Variants in RAB5A observed in about 807,000 individuals in gnomAD.
RAB5A encodes RAB5A, member RAS oncogene family, also known as ras-related protein Rab-5A.
RAB5A carries 8 observed loss-of-function variants against 25.7 expected under a neutral mutation model. That is an observed-to-expected ratio of 0.31 (90% CI 0.18 to 0.56). The LOEUF is 0.56. Ranked by LOEUF, RAB5A falls within the 20% of genes least tolerant of loss-of-function variation. The pLI is 0.91. For synonymous variants in RAB5A, 98 were observed against 89.8 expected (o/e 1.09, Z -0.52); for missense variants, 192 against 259.7 (o/e 0.74, Z 1.79).
chr3:19,982,562 C>G (rs1442580894), intron 5 of RAB5A, among the ~76,000 whole-genome samples: 3 of 152,054 alleles, frequency 2.0e-5, no homozygotes, highest in African/African-American at 7.2e-5. Context: ...CTTTTAAAAA[C>G]TAAGCGGTCG....
intron 2 of RAB5A, among the ~76,000 whole-genome samples, chr3:19,958,821 C>T (rs1031609979): frequency 3.3e-5 from 5 of 151,650 alleles, no homozygotes; most frequent in Admixed American, 2.6e-4. Flanking sequence ...GGTGACAGGG[C>T]GCTGAGGTAG....
intron 2 of RAB5A, among the ~76,000 whole-genome samples, chr3:19,954,637 G>A (rs1696472460): frequency 1.3e-5 from 2 of 152,188 alleles, no homozygotes; most frequent in South Asian, 2.1e-4. Context: ...GGCCAACATA[G>A]CAAAACCCCG....
At chr3:19,973,919 A>C (rs1360808987) in intron 2 of RAB5A, among the ~76,000 whole-genome samples, 2 of 152,196 alleles carry the variant, frequency 1.3e-5, no homozygotes, top group African/African-American at 2.4e-5. Context: ...TCACTAGATA[A>C]ACGGCTGTAA....
chr3:19,977,796 A>G (rs994267264), intron 4 of RAB5A, among the ~76,000 whole-genome samples: 6 of 152,232 alleles, frequency 3.9e-5, no homozygotes, highest in Admixed American at 3.9e-4. Flanking sequence ...AAGCATGACA[A>G]AAATGTAGGG....
chr3:19,977,010 T>A (rs1196333895), intron 4 of RAB5A, among the ~76,000 whole-genome samples: 1 of 152,138 alleles, frequency 6.6e-6, no homozygotes, highest in African/African-American at 2.4e-5. Context: ...TAATTCAGAA[T>A]GTTTGCTGCT....
In RAB5A at chr3:19,985,105, G is replaced by A. The variant is rs1697007756; in HGVS notation, c.*1282G>A. ...GTACATTTATGATAATGCAGAATTA[G>A]GAAAACGGTTCACCAGTGTTTAGTT... On this transcript the variant is annotated 3_prime_UTR_variant, in exon 6 of 6. Transcript: ENST00000273047. 2 of 328,270 alleles carry A rather than the reference G, an allele frequency of 6.1e-6. No individual in the cohort carries two copies. Among genetic ancestry groups the A allele is most frequent in the South Asian group, 1.2e-4 (2 of 16,996 alleles). 20.3% of individuals were successfully genotyped at this position (328,270 alleles called of 1,614,324 possible).
chr3:19,969,619 T>C (rs1384025523), intron 2 of RAB5A, among the ~76,000 whole-genome samples: 2 of 152,238 alleles, frequency 1.3e-5, no homozygotes, highest in Non-Finnish European at 2.9e-5. Flanking sequence ...AGTTTCATAT[T>C]TTTGTGTAAT....
In RAB5A at chr3:19,985,081, T is replaced by A. The variant is rs921316778; in HGVS notation, c.*1258T>A. ...AGTGTTGGACTGCTAGGAGAACTTGTACATTTATGATAATGCAGAATTAGG... is the reference window on the plus strand; with the variant it reads ...AGTGTTGGACTGCTAGGAGAACTTGAACATTTATGATAATGCAGAATTAGG... On this transcript the variant is annotated 3_prime_UTR_variant, in exon 6 of 6. Transcript: ENST00000273047. The A allele has an allele frequency of 2.1e-5, 6 of 280,362 alleles. No homozygotes were observed. The highest frequency in any genetic ancestry group is 1.4e-4 in the Admixed American group (3 of 20,704). The allele number at this position is 280,362 out of a possible 1,614,324, so 17.4% of individuals were successfully genotyped here. A position where few individuals can be genotyped will look rare whatever the true frequency, so the allele number is the denominator to read the frequency against.
chr3:19,972,577 A>G (rs888440555), intron 2 of RAB5A, among the ~76,000 whole-genome samples: 18 of 152,244 alleles, frequency 1.2e-4, no homozygotes, highest in Admixed American at 9.8e-4. Flanking sequence ...TTGTTCCTAG[A>G]TTTAGGAATG....
intron 2 of RAB5A, among the ~76,000 whole-genome samples, chr3:19,958,252 A>T (rs1157822703): frequency 6.6e-6 from 1 of 152,212 alleles, no homozygotes; most frequent in Admixed American, 6.5e-5. Context: ...CAAAATAATA[A>T]TATCTTTGTT....
chr3:19,953,563 A>G (rs939631437), intron 2 of RAB5A, among the ~76,000 whole-genome samples: 1 of 151,414 alleles, frequency 6.6e-6, no homozygotes, highest in African/African-American at 2.4e-5. Flanking sequence ...GCAAGCCACC[A>G]CTCCTGGCCA....
intron 2 of RAB5A, among the ~76,000 whole-genome samples, chr3:19,951,404 A>G (rs1228984833): frequency 6.6e-6 from 1 of 152,196 alleles, no homozygotes; most frequent in African/African-American, 2.4e-5. Context: ...TTTGTGCTCA[A>G]TTATATTGGT....
intron 2 of RAB5A, among the ~76,000 whole-genome samples, chr3:19,973,940 TATATC>T (rs746731068): frequency 3.9e-5 from 6 of 152,282 alleles, no homozygotes; most frequent in East Asian, 1.9e-4. Flanking sequence ...TTTAGAGAAA[TATATC>T]ATAATTCTTT....
At chr3:19,968,867 T>A (rs1239596601) in intron 2 of RAB5A, among the ~76,000 whole-genome samples, 3 of 152,202 alleles carry the variant, frequency 2.0e-5, no homozygotes, top group African/African-American at 7.2e-5. Flanking sequence ...CTACCTACTC[T>A]CCTGCCCTCA....
At chr3:19,957,807 A>G (rs1696526342) in intron 2 of RAB5A, among the ~76,000 whole-genome samples, 1 of 152,146 alleles carries the variant, frequency 6.6e-6, no homozygotes, top group Non-Finnish European at 1.5e-5. Flanking sequence ...CAATGTGTAC[A>G]TGTATCAAAA....
At chr3:19,973,105 G>A (rs1417197043) in intron 2 of RAB5A, among the ~76,000 whole-genome samples, 1 of 152,296 alleles carries the variant, frequency 6.6e-6, no homozygotes, top group African/African-American at 2.4e-5. Flanking sequence ...GTATACAGGA[G>A]GATGTGCTTA....
At chr3:19,969,198 C>G (rs1696709448) in intron 2 of RAB5A, among the ~76,000 whole-genome samples, 1 of 151,958 alleles carries the variant, frequency 6.6e-6, no homozygotes, top group South Asian at 2.1e-4. Context: ...GCGCCCACAT[C>G]CACGTCCGGC....
chr3:19,954,662 AC>A (rs1696473048), intron 2 of RAB5A, among the ~76,000 whole-genome samples: 1 of 152,110 alleles, frequency 6.6e-6, no homozygotes, highest in Non-Finnish European at 1.5e-5. Flanking sequence ...TACAAAAAAT[AC>A]GAAAATTAAC....
At position 19,947,171 on chromosome 3, in the gene RAB5A, GTGTT is replaced by G. The variant is rs1443883634; in HGVS notation, c.-440_-437del. ...AAGTGGCTCCGGCGGTGGGACTTGA[GTGTT>G]TGTGTTTTGGTTCGTGAAGGAGCCG... On this transcript the variant is annotated 5_prime_UTR_variant, in exon 1 of 6. Transcript: ENST00000273047. The G allele has an allele frequency of 1.9e-5, 3 of 159,142 alleles. No homozygotes were observed. The highest frequency in any genetic ancestry group is 2.7e-5 in the Non-Finnish European group (2 of 72,870). 9.9% of individuals were successfully genotyped at this position (159,142 alleles called of 1,614,324 possible).
Sources: allele counts gnomAD v4.1 joint callset (sites outside exome capture counted in the v4.1 genomes callset), GRCh38; gene constraint gnomAD v4.1.1; transcripts MANE v1.5; gene names NCBI Gene and HGNC (gene_info 2026-07-23, HGNC 2026-07-21).